Variants in SGCD observed in about 807,000 individuals in gnomAD.
SGCD encodes the protein delta-sarcoglycan.
A neutral mutation model predicts 36.6 loss-of-function variants in SGCD; 18 were observed. That is an observed-to-expected ratio of 0.49 (90% CI 0.34 to 0.73). The LOEUF is 0.73. SGCD is among the 30% of genes least tolerant of loss of function. The pLI, the probability that SGCD is intolerant of heterozygous loss-of-function variation, is 0.01. For missense variants in SGCD, 387 were observed against 346.7 expected, an observed-to-expected ratio of 1.12 and a Z score of -0.92; for synonymous variants, 133 against 130.6, an observed-to-expected ratio of 1.02 and a Z score of -0.12.
At chr5:156,531,415 A>T (rs1757883570) in intron 4 of SGCD, among the ~76,000 whole-genome samples, 1 of 152,240 alleles carries the variant, frequency 6.6e-6, no homozygotes. Flanking sequence ...GTATAATGAA[A>T]ACAGGATTTG....
chr5:155,888,624 G>A (rs1228768894), intron 1 of SGCD, among the ~76,000 whole-genome samples: 1 of 152,112 alleles, frequency 6.6e-6, no homozygotes, highest in Admixed American at 6.6e-5. Context: ...GTAATAAACT[G>A]GGGGAGGGGG....
At chr5:156,190,801 C>G (rs571524132) in intron 3 of SGCD, among the ~76,000 whole-genome samples, 13 of 152,194 alleles carry the variant, frequency 8.5e-5, no homozygotes, top group African/African-American at 3.1e-4. Flanking sequence ...CCCATGCCAG[C>G]TCTAAGAATT....
At chr5:156,745,658 C>T (rs1756908738) in intron 7 of SGCD, among the ~76,000 whole-genome samples, 1 of 151,832 alleles carries the variant, frequency 6.6e-6, no homozygotes, top group Admixed American at 6.6e-5. Flanking sequence ...GAGGAACAAA[C>T]AAGTATGTTT....
intron 2 of SGCD, among the ~76,000 whole-genome samples, chr5:156,122,394 A>C (rs1437528350): frequency 6.6e-6 from 1 of 152,130 alleles, no homozygotes; most frequent in African/African-American, 2.4e-5. Flanking sequence ...AATCTAGAGA[A>C]AGAGGGATGA....
intron 3 of SGCD, among the ~76,000 whole-genome samples, chr5:156,453,901 T>A (rs549082479): frequency 6.6e-6 from 1 of 152,088 alleles, no homozygotes; most frequent in Non-Finnish European, 1.5e-5. Flanking sequence ...TTCTAGAACA[T>A]GAAAACTAAT....
At chr5:156,067,800 C>G (rs1475082031) in intron 1 of SGCD, among the ~76,000 whole-genome samples, 1 of 138,526 alleles carries the variant, frequency 7.2e-6, no homozygotes, top group Non-Finnish European at 1.5e-5. Context: ...TGCTTCGGCT[C>G]GCGCACGGTG....
At chr5:155,775,759 T>A in the SGCD span, among the ~76,000 whole-genome samples, 61 of 152,150 alleles carry the variant, frequency 4.0e-4, 1 homozygote, top group Non-Finnish European at 5.7e-4. Flanking sequence ...GTGCCAAGCC[T>A]GGAGGATGCC....
Position 156,589,816 on chromosome 5 carries a change from A to G in SGCD, c.382+498A>G, listed in dbSNP as rs191230965. ...TAACTCAATTGCAGGATGTGGATGT[A>G]TCTTTACTGAATATGTTTGTGTGTA... On this transcript the variant is annotated intron_variant, in intron 5 of 8. Transcript: ENST00000337851. 2.6e-5 allele frequency among the ~76,000 whole-genome samples: 4 copies of G among 152,328 alleles called. 1 individual carries two copies. In the East Asian group the frequency reaches 7.7e-4, roughly 29 times the overall value.
chr5:156,675,628 T>G (rs1753476399), intron 7 of SGCD, among the ~76,000 whole-genome samples: 1 of 152,112 alleles, frequency 6.6e-6, no homozygotes, highest in South Asian at 2.1e-4. Flanking sequence ...ACTCAGAAAC[T>G]TAAGCACTAC....
In SGCD at chr5:156,474,457, C is replaced by T. The variant is rs115909325; in HGVS notation, c.193-34144C>T. 5.8e-3 allele frequency among the ~76,000 whole-genome samples: 890 copies of T among 152,264 alleles called. 8 individuals are homozygous for T. The highest frequency in any genetic ancestry group is 0.019 in the African/African-American group (784 of 41,552). On this transcript the variant is annotated intron_variant, in intron 3 of 8. Coordinates refer to ENST00000337851, the MANE Select transcript of SGCD (RefSeq NM_000337.6). ...TAGGTAGCTTGTACTGACTCCTTAGCGCTTCTATAGCAGCTTGTCTCATTT... is the reference window on the plus strand; with the variant it reads ...TAGGTAGCTTGTACTGACTCCTTAGTGCTTCTATAGCAGCTTGTCTCATTT...
intron 3 of SGCD, 33 bp from the exon 4 acceptor site, chr5:156,508,566 CAT>C (rs1561743601): frequency 7.2e-7 from 1 of 1,387,984 alleles, no homozygotes; most frequent in South Asian, 1.2e-5. Flanking sequence ...TTTGGCTAAT[CAT>C]ATCTTCCTTG....
intron 3 of SGCD, among the ~76,000 whole-genome samples, chr5:156,491,459 C>T (rs1269173822): frequency 6.6e-6 from 1 of 151,982 alleles, no homozygotes; most frequent in East Asian, 1.9e-4. Flanking sequence ...CTGTAATAAC[C>T]CAAATAGCAT....
At chr5:155,799,812 CTTTTTTTTTTTT>C in the SGCD span, among the ~76,000 whole-genome samples, 1 of 58,790 alleles carries the variant, frequency 1.7e-5, no homozygotes, top group South Asian at 7.0e-4. Flanking sequence ...TCCTATTCCC[CTTTTTTTTTTTT>C]TTTTTTTTTT....
At chr5:156,039,970 T>A (rs979228764) in intron 1 of SGCD, among the ~76,000 whole-genome samples, 3 of 152,092 alleles carry the variant, frequency 2.0e-5, no homozygotes, top group African/African-American at 7.2e-5. Flanking sequence ...GTCAGGCCAT[T>A]TGTAGGAGCA....
intron 7 of SGCD, among the ~76,000 whole-genome samples, chr5:156,730,658 T>G (rs1341602802): frequency 6.6e-6 from 1 of 152,184 alleles, no homozygotes; most frequent in African/African-American, 2.4e-5. Flanking sequence ...ATGTCTTTGT[T>G]ATGGTGAATA....
chr5:155,965,396 A>G (rs917593766), intron 1 of SGCD, among the ~76,000 whole-genome samples: 1 of 152,056 alleles, frequency 6.6e-6, no homozygotes, highest in Non-Finnish European at 1.5e-5. Context: ...TTTGCCTCTT[A>G]TGTCAATCAT....
chr5:156,449,677 C>CAAACAAA, intron 3 of SGCD, among the ~76,000 whole-genome samples: 1 of 46,056 alleles, frequency 2.2e-5, no homozygotes, highest in South Asian at 1.1e-3. Flanking sequence ...ACTAAAAATA[C>CAAACAAA]AAAAAAAAAA....
At chr5:156,169,009 G>A (rs79905900) in intron 3 of SGCD, among the ~76,000 whole-genome samples, 5,442 of 152,250 alleles carry the variant, frequency 0.036, 346 homozygotes, top group African/African-American at 0.12. Context: ...CGAATCAAAA[G>A]GCTGACAGGA....
chr5:156,606,786 G>A (rs570948591), intron 6 of SGCD, among the ~76,000 whole-genome samples: 11 of 152,176 alleles, frequency 7.2e-5, no homozygotes, highest in African/African-American at 2.4e-4. Flanking sequence ...TGGATTCCTA[G>A]GTATTTTATT....
Sources: allele counts gnomAD v4.1 joint callset (sites outside exome capture counted in the v4.1 genomes callset), GRCh38; gene constraint gnomAD v4.1.1; transcripts MANE v1.5; gene names NCBI Gene and HGNC (gene_info 2026-07-23, HGNC 2026-07-21).